Variants in BPTF observed in about 807,000 individuals in gnomAD.
BPTF encodes the protein bromodomain PHD finger transcription factor.
Under a neutral mutation model 292.5 loss-of-function variants are expected in BPTF, and 18 were observed. The ratio of observed to expected loss-of-function variants is 0.06; its 90% CI spans 0.04 to 0.09. The LOEUF (loss-of-function observed/expected upper bound fraction) is 0.09, where lower values mean the gene tolerates loss of function less well. Ranked by LOEUF, BPTF falls within the 10% of genes least tolerant of loss-of-function variation. The pLI, the probability that BPTF is intolerant of heterozygous loss-of-function variation, is 1.00. For missense variants in BPTF, 2,726 were observed against 3,498.7 expected (o/e 0.78, Z 5.57); for synonymous variants, 1,225 against 1,251.9 (o/e 0.98, Z 0.45).
At chr17:67,949,688 CATAT>C (rs1568155210) in intron 23 of BPTF, among the ~76,000 whole-genome samples, 1 of 150,084 alleles carries the variant, frequency 6.7e-6, no homozygotes, top group Non-Finnish European at 1.5e-5. Flanking sequence ...CACAGACATA[CATAT>C]ATATATACAC....
chr17:67,954,597 T>G (rs2066746100), intron 23 of BPTF, among the ~76,000 whole-genome samples: 1 of 152,214 alleles, frequency 6.6e-6, no homozygotes, highest in African/African-American at 2.4e-5. Context: ...GGCCTGCAGT[T>G]TTAGTCCTGC....
chr17:67,971,386 G>C (rs2068739759), intron 26 of BPTF, among the ~76,000 whole-genome samples: 1 of 151,658 alleles, frequency 6.6e-6, no homozygotes, highest in East Asian at 1.9e-4. Context: ...GCCCATTTTA[G>C]GCTTTTTTTT....
chr17:67,866,474 A>G lies in BPTF; in HGVS notation c.1447A>G (p.Thr483Ala). Residue 483 changes from threonine to alanine, a missense_variant, in exon 3 of 28, where the codon ACA (threonine) becomes GCA (alanine). Coordinates refer to ENST00000306378, the MANE Select transcript of BPTF (RefSeq NM_182641.4). ...CCCATTTTTAAACAGAGAAGAAGAT[A>G]CAGAAAATGAAAATGAAAAGAAAAT... The part of the protein sequence containing the change: ...LNRRLIIEED[T>A]ENENEKKIWY... The G allele has an allele frequency of 6.2e-7, 1 of 1,604,820 alleles. No homozygotes were observed. Among genetic ancestry groups the G allele is most frequent in the Non-Finnish European group, 8.5e-7 (1 of 1,171,604 alleles).
intron 20 of BPTF, among the ~76,000 whole-genome samples, chr17:67,944,924 A>AGTGTAC (rs10626596): frequency 1.5e-4 from 1 of 6,824 alleles, no homozygotes; most frequent in African/African-American, 1.5e-4. Flanking sequence ...GACAGCCAAG[A>AGTGTAC]AGCAGGGCCC....
At chr17:67,848,054 T>A (rs1414430654) in intron 1 of BPTF, among the ~76,000 whole-genome samples, 1 of 152,232 alleles carries the variant, frequency 6.6e-6, no homozygotes, top group Non-Finnish European at 1.5e-5. Flanking sequence ...GTGAGGCCAC[T>A]TTCTCTCAGA....
At chr17:67,870,055 A>G (rs1270852484) in intron 3 of BPTF, among the ~76,000 whole-genome samples, 1 of 151,618 alleles carries the variant, frequency 6.6e-6, no homozygotes, top group Non-Finnish European at 1.5e-5. Context: ...GTAATGGGGA[A>G]CAACAAAGAG....
chr17:67,826,173 G>A lies in BPTF; in HGVS notation c.449G>A (p.Gly150Asp), dbSNP rs755241808. ...MVSEEEEEED[G>D]DAEETQDSED... ...TCCGAGGAGGAGGAGGAGGAGGACGGCGACGCCGAGGAGACCCAGGATTCT... is the reference window on the plus strand; with the variant it reads ...TCCGAGGAGGAGGAGGAGGAGGACGACGACGCCGAGGAGACCCAGGATTCT... Residue 150 changes from glycine (G) to aspartate (D), a missense_variant, in exon 1 of 28, where the codon GGC becomes GAC. Coordinates refer to ENST00000306378, the MANE Select transcript of BPTF (RefSeq NM_182641.4). 5.0e-6 allele frequency: 8 copies of A among 1,589,816 alleles called. No homozygotes were observed. The highest frequency in any genetic ancestry group is 6.9e-6 in the Non-Finnish European group (8 of 1,158,074).
intron 23 of BPTF, among the ~76,000 whole-genome samples, chr17:67,954,262 C>T (rs1298136635): frequency 6.6e-6 from 1 of 151,676 alleles, no homozygotes; most frequent in Non-Finnish European, 1.5e-5. Flanking sequence ...ATCCTGGGCT[C>T]AAGCAAGTGA....
At chr17:67,954,833 C>T (rs2066766280) in intron 23 of BPTF, among the ~76,000 whole-genome samples, 1 of 152,112 alleles carries the variant, frequency 6.6e-6, no homozygotes, top group Non-Finnish European at 1.5e-5. Context: ...TTCTTTCTAA[C>T]CTAGGAAGAA....
At chr17:67,886,689 G>C (rs1214209075) in intron 4 of BPTF, among the ~76,000 whole-genome samples, 1 of 151,954 alleles carries the variant, frequency 6.6e-6, no homozygotes, top group East Asian at 1.9e-4. Context: ...GGAGAGCTTT[G>C]GGCGATTTTT....
chr17:67,849,711 G>A (rs900519406), intron 1 of BPTF, among the ~76,000 whole-genome samples: 1 of 152,106 alleles, frequency 6.6e-6, no homozygotes, highest in Non-Finnish European at 1.5e-5. Flanking sequence ...GCTAAGGCGG[G>A]TGGATCACTT....
At chr17:67,964,549 C>T (rs146846591) in intron 25 of BPTF, 145 bp downstream of exon 25, 1 of 912,440 alleles carries the variant, frequency 1.1e-6, no homozygotes, top group African/African-American at 1.7e-5. Context: ...AAACTGCAGT[C>T]CTTCACGTAC....
At chr17:67,918,077 G>A (rs919034083) in intron 11 of BPTF, among the ~76,000 whole-genome samples, 4 of 151,992 alleles carry the variant, frequency 2.6e-5, no homozygotes, top group African/African-American at 9.7e-5. Flanking sequence ...GGGATTACAG[G>A]CATGAGCCAC....
intron 26 of BPTF, among the ~76,000 whole-genome samples, chr17:67,968,795 AAAAG>A (rs1379322292): frequency 1.3e-5 from 2 of 150,248 alleles, no homozygotes; most frequent in African/African-American, 4.9e-5. Flanking sequence ...TCAAAAAAAA[AAAAG>A]AAAGAAAATT....
intron 4 of BPTF, among the ~76,000 whole-genome samples, chr17:67,880,841 A>G (rs1460016848): frequency 2.0e-5 from 3 of 151,598 alleles, no homozygotes; most frequent in Non-Finnish European, 4.4e-5. Context: ...AGAACATTCT[A>G]TGCATGATTT....
chr17:67,898,421 A>G (rs2061591699), intron 7 of BPTF, among the ~76,000 whole-genome samples: 1 of 152,142 alleles, frequency 6.6e-6, no homozygotes, highest in Non-Finnish European at 1.5e-5. Context: ...CCAAGAAGGT[A>G]TTTTATCTAA....
intron 22 of BPTF, 63 bp from the exon 23 acceptor site, chr17:67,948,018 T>C (rs930327274): frequency 2.7e-6 from 4 of 1,482,818 alleles, no homozygotes; most frequent in Non-Finnish European, 3.7e-6. Context: ...CATAGAAGAA[T>C]GATGTCTTAA....
intron 27 of BPTF, among the ~76,000 whole-genome samples, chr17:67,976,716 T>TAAGAG (rs55890520): frequency 7.8e-6 from 1 of 128,490 alleles, no homozygotes; most frequent in Non-Finnish European, 1.6e-5. Flanking sequence ...AAAAAAAAAA[T>TAAGAG]AAGAATAAAA....
intron 23 of BPTF, among the ~76,000 whole-genome samples, chr17:67,959,115 G>T (rs1344134127): frequency 1.3e-5 from 2 of 152,170 alleles, no homozygotes; most frequent in African/African-American, 4.8e-5. Context: ...CACATTTTGA[G>T]TCTCAAGGCC....
Sources: allele counts gnomAD v4.1 joint callset (sites outside exome capture counted in the v4.1 genomes callset), GRCh38; gene constraint gnomAD v4.1.1; transcripts MANE v1.5; gene names NCBI Gene and HGNC (gene_info 2026-07-23, HGNC 2026-07-21).